The following NTRK2 variants were observed in gnomAD, a reference collection of about 807,000 sequenced individuals.
NTRK2 encodes BDNF/NT-3 growth factors receptor.
NTRK2 carries 13 observed loss-of-function variants against 94.5 expected under a neutral mutation model. The observed-to-expected ratio is 0.14, with a 90% CI of 0.09 to 0.22. The LOEUF is 0.22. Ranked by LOEUF, NTRK2 falls within the 10% of genes least tolerant of loss-of-function variation. The probability of loss-of-function intolerance (pLI) is 1.00; values close to 1 mark genes in which losing one functional copy is unlikely to be tolerated. For synonymous variants in NTRK2, 372 were observed against 407.4 expected (o/e 0.91, Z 1.05); for missense variants, 639 against 1,071.2 (o/e 0.60, Z 5.63).
At chr9:84,719,599 G>A (rs2061927407) in intron 6 of NTRK2, among the ~76,000 whole-genome samples, 1 of 152,080 alleles carries the variant, frequency 6.6e-6, no homozygotes, top group Admixed American at 6.5e-5. Flanking sequence ...TGCCAAGGTG[G>A]GTGTCTTTAG....
chr9:84,701,882 A>G (rs1450417522), intron 2 of NTRK2, among the ~76,000 whole-genome samples: 1 of 152,222 alleles, frequency 6.6e-6, no homozygotes, highest in Non-Finnish European at 1.5e-5. Flanking sequence ...GTGATACTCC[A>G]AAAGGGAAAG....
intron 15 of NTRK2, 62 bp downstream of exon 15, chr9:84,934,354 T>C (rs1052694980): frequency 1.3e-6 from 2 of 1,583,514 alleles, no homozygotes; most frequent in Middle Eastern, 1.8e-4. Flanking sequence ...GAAATTTAAC[T>C]CTATTTTATT....
rs114089864 is a variant in NTRK2 at position 85,005,717 on chromosome 9, C to G, written c.2173-14489C>G. Among the ~76,000 whole-genome samples, 641 of 152,184 alleles carry G rather than the reference C, an allele frequency of 4.2e-3. 5 individuals carry two copies. The highest frequency in any genetic ancestry group is 0.015 in the African/African-American group (612 of 41,520). ...CTGGGCTTTTTTGTACCTGCTGACC[C>G]CAATACCTGGAATGTAACCTCTTCC... On this transcript the variant is annotated intron_variant, in intron 17 of 18. Coordinates refer to ENST00000277120, the MANE Select transcript of NTRK2 (RefSeq NM_006180.6).
At chr9:84,793,772 A>T (rs2068974807) in intron 12 of NTRK2, among the ~76,000 whole-genome samples, 1 of 152,230 alleles carries the variant, frequency 6.6e-6, no homozygotes. Context: ...AGAAATGACT[A>T]TAAGACAGGG....
chr9:84,848,106 AG>A (rs1564384027), intron 12 of NTRK2, among the ~76,000 whole-genome samples: 10 of 150,438 alleles, frequency 6.6e-5, no homozygotes, highest in African/African-American at 2.5e-4. Context: ...AGAGAGAGAG[AG>A]AGAGCTCAAG....
intron 14 of NTRK2, among the ~76,000 whole-genome samples, chr9:84,888,883 A>G (rs923022608): frequency 1.3e-5 from 2 of 151,672 alleles, no homozygotes; most frequent in African/African-American, 2.4e-5. Context: ...ATCACAAGTC[A>G]CACAACCTGC....
At chr9:85,007,052 C>T (rs1479591967) in intron 17 of NTRK2, among the ~76,000 whole-genome samples, 1 of 152,204 alleles carries the variant, frequency 6.6e-6, no homozygotes, top group Non-Finnish European at 1.5e-5. Context: ...GTTGAGCATC[C>T]CAGCACTGGA....
chr9:84,862,073 G>A lies in NTRK2; in HGVS notation c.1444+986G>A, dbSNP rs73651137. On this transcript the variant is annotated intron_variant, in intron 13 of 18. Coordinates refer to ENST00000277120, the MANE Select transcript of NTRK2 (RefSeq NM_006180.6). ...CCAGCCGGCTGAGGCAGCCTGGCCA[G>A]ATGGGGCCTGGAGGGGGAAAAGTCA... 8.2e-3 allele frequency among the ~76,000 whole-genome samples: 1,254 copies of A among 152,294 alleles called. 18 individuals are homozygous for A. The highest frequency in any genetic ancestry group is 0.029 in the African/African-American group (1,193 of 41,564).
At chr9:84,698,193 A>AATCATCTTTCTATACTTGGC (rs2131634779) in intron 2 of NTRK2, among the ~76,000 whole-genome samples, 1 of 152,112 alleles carries the variant, frequency 6.6e-6, no homozygotes, top group East Asian at 1.9e-4. Flanking sequence ...CCTTCCTTGG[A>AATCATCTTTCTATACTTGGC]ATCATCTTTC....
chr9:84,878,078 C>G (rs1248380286), intron 14 of NTRK2, among the ~76,000 whole-genome samples: 2 of 152,178 alleles, frequency 1.3e-5, no homozygotes, highest in Non-Finnish European at 2.9e-5. Context: ...AACTCCTTCA[C>G]TCAGGTAGGC....
intron 17 of NTRK2, among the ~76,000 whole-genome samples, chr9:84,975,625 A>T (rs148435746): frequency 6.6e-6 from 1 of 152,266 alleles, no homozygotes; most frequent in East Asian, 1.9e-4. Context: ...GTGAACTAAG[A>T]GTTCTTAGGT....
rs1349261780 is a variant in NTRK2, at chr9:85,022,419, C to T, written c.*982C>T. ...TGGTTTGTTTCTCAAGCGCTATCCA[C>T]AGAACCTTTGTCAACTTCAGTTGAA... On this transcript the variant is annotated 3_prime_UTR_variant, in exon 19 of 19. Transcript: ENST00000277120. 1 of 233,092 alleles carries T rather than the reference C, an allele frequency of 4.3e-6. No homozygotes were observed. Among genetic ancestry groups the T allele is most frequent in the Non-Finnish European group, 8.5e-6 (1 of 118,024 alleles). 14.4% of individuals were successfully genotyped at this position (233,092 alleles called of 1,614,324 possible). A position where few individuals can be genotyped will look rare whatever the true frequency, so the allele number is the denominator to read the frequency against.
chr9:84,669,037 A>G (rs1473517540), upstream of NTRK2, among the ~76,000 whole-genome samples: 2 of 152,078 alleles, frequency 1.3e-5, no homozygotes, highest in African/African-American at 4.8e-5. This position sits in a 1 kb window ranked among gnomAD's most constrained non-coding sequence, Gnocchi z 4.1. Flanking sequence ...AGACCCACTT[A>G]GAGAGCTAGA....
chr9:84,761,052 G>A (rs1229827307), intron 12 of NTRK2, among the ~76,000 whole-genome samples: 3 of 152,194 alleles, frequency 2.0e-5, no homozygotes, highest in Non-Finnish European at 4.4e-5. Context: ...GCTAACAGTG[G>A]TGGAAGACCT....
intron 7 of NTRK2, 108 bp downstream of exon 7, chr9:84,723,817 T>C (rs1001762760): frequency 4.1e-6 from 6 of 1,465,218 alleles, no homozygotes; most frequent in East Asian, 2.3e-5. Context: ...AGGCTACATA[T>C]AGAAATTTAC....
At chr9:84,722,466 T>A (rs998746628) in intron 6 of NTRK2, among the ~76,000 whole-genome samples, 1 of 152,150 alleles carries the variant, frequency 6.6e-6, no homozygotes, top group South Asian at 2.1e-4. Flanking sequence ...GTGGGTTAAT[T>A]GCAATTTAAC....
At chr9:84,759,694 G>A (rs563064402) in intron 12 of NTRK2, among the ~76,000 whole-genome samples, 1 of 152,302 alleles carries the variant, frequency 6.6e-6, no homozygotes, top group Admixed American at 6.5e-5. Context: ...GCCTATTTCA[G>A]ACAGGACTTT....
rs1212126896 is a variant in NTRK2, at chr9:84,717,745, ATAGT to A, written c.584-5824_584-5821del. On this transcript the variant is annotated intron_variant, in intron 6 of 18. Transcript: ENST00000277120. ...ATAGCTATTACTATCATCAACAAGA[ATAGT>A]TAGATTTAAATGTATTTTACATCTG... is the stretch of plus-strand genomic sequence containing the variant. Among the ~76,000 whole-genome samples, 3 of 152,358 alleles carry A rather than the reference ATAGT, an allele frequency of 2.0e-5. No individual in the cohort carries two copies. In the South Asian group the frequency reaches 6.2e-4, roughly 32 times the overall value.
chr9:84,779,224 C>A (rs2067332925), intron 12 of NTRK2, among the ~76,000 whole-genome samples: 1 of 152,172 alleles, frequency 6.6e-6, no homozygotes, highest in African/African-American at 2.4e-5. Flanking sequence ...TACATGAATG[C>A]CATTGGAAGC....
Sources: allele counts gnomAD v4.1 joint callset (sites outside exome capture counted in the v4.1 genomes callset), GRCh38; gene constraint gnomAD v4.1.1; non-coding constraint Gnocchi (gnomAD v3.1); transcripts MANE v1.5; gene names NCBI Gene and HGNC (gene_info 2026-07-23, HGNC 2026-07-21).